Variants in VSTM2L observed in about 807,000 individuals in gnomAD.
The protein encoded by VSTM2L is V-set and transmembrane domain-containing protein 2-like protein.
Under a neutral mutation model 19.9 loss-of-function variants are expected in VSTM2L, and 9 were observed. The observed-to-expected ratio is 0.45, with a 90% CI of 0.27 to 0.79. The LOEUF is 0.79. Among genes scored for constraint, VSTM2L ranks in the 30% least tolerant of loss-of-function variants. VSTM2L has a pLI of 0.15. For missense variants in VSTM2L, 286 were observed against 295.5 expected (o/e 0.97, Z 0.24); for synonymous variants, 127 against 133.8 (o/e 0.95, Z 0.35).
intron 1 of VSTM2L, among the ~76,000 whole-genome samples, chr20:37,906,956 C>T (rs2072754748): frequency 6.6e-6 from 1 of 152,168 alleles, no homozygotes; most frequent in African/African-American, 2.4e-5. Context: ...GTGAAGATCT[C>T]TGTAGACCCC....
At chr20:37,941,812 T>G (rs556123141) in intron 3 of VSTM2L, among the ~76,000 whole-genome samples, 7 of 151,540 alleles carry the variant, frequency 4.6e-5, no homozygotes, top group African/African-American at 1.7e-4. Flanking sequence ...CAGGAAGGTT[T>G]TTTTTTTTTT....
At chr20:37,927,873 T>C (rs933856230) in intron 1 of VSTM2L, among the ~76,000 whole-genome samples, 8 of 152,164 alleles carry the variant, frequency 5.3e-5, no homozygotes, top group Non-Finnish European at 8.8e-5. Context: ...CCACACATGG[T>C]TCCCACCTCA....
intron 1 of VSTM2L, among the ~76,000 whole-genome samples, chr20:37,910,452 T>A (rs1226069897): frequency 6.6e-6 from 1 of 152,194 alleles, no homozygotes; most frequent in Non-Finnish European, 1.5e-5. Flanking sequence ...GGAAGCTTGG[T>A]CATTCATTCA....
chr20:37,908,436 C>T (rs1600559214), intron 1 of VSTM2L, among the ~76,000 whole-genome samples: 1 of 152,178 alleles, frequency 6.6e-6, no homozygotes, highest in Non-Finnish European at 1.5e-5. Context: ...AAGACAGAGA[C>T]CCAGGGGCAA....
At chr20:37,912,012 A>T (rs1157565475) in intron 1 of VSTM2L, among the ~76,000 whole-genome samples, 1 of 152,328 alleles carries the variant, frequency 6.6e-6, no homozygotes, top group Non-Finnish European at 1.5e-5. Flanking sequence ...ACCAAACAGC[A>T]GCCAGCGTTC....
At chr20:37,903,605 G>T in intron 1 of VSTM2L, 134 bp downstream of exon 1, 1 of 1,271,600 alleles carries the variant, frequency 7.9e-7, no homozygotes, top group Non-Finnish European at 1.0e-6. Flanking sequence ...CTGCCGGCGC[G>T]GTGGACCCGC....
chr20:37,928,701 G>A (rs1270486870), intron 1 of VSTM2L, among the ~76,000 whole-genome samples: 3 of 152,188 alleles, frequency 2.0e-5, no homozygotes, highest in Non-Finnish European at 4.4e-5. Flanking sequence ...GCTGCCGCAA[G>A]CCTTGAATGC....
chr20:37,937,930 C>T (rs1006559721), intron 3 of VSTM2L, among the ~76,000 whole-genome samples: 4 of 152,104 alleles, frequency 2.6e-5, no homozygotes, highest in Non-Finnish European at 5.9e-5. Context: ...TGGGTGTGTG[C>T]ACTGGAGGAA....
At chr20:37,910,929 A>G (rs1219355066) in intron 1 of VSTM2L, among the ~76,000 whole-genome samples, 2 of 151,080 alleles carry the variant, frequency 1.3e-5, no homozygotes, top group Non-Finnish European at 2.9e-5. Flanking sequence ...AAAAAAAAAA[A>G]AAAGAAAAAG....
intron 3 of VSTM2L, among the ~76,000 whole-genome samples, chr20:37,939,325 G>A (rs2072958475): frequency 1.3e-5 from 2 of 152,090 alleles, no homozygotes; most frequent in African/African-American, 4.8e-5. Context: ...TGCTGAAGCG[G>A]GAGGATTGCT....
chr20:37,941,441 G>C (rs1014116761), intron 3 of VSTM2L, among the ~76,000 whole-genome samples: 1 of 146,056 alleles, frequency 6.8e-6, no homozygotes, highest in Admixed American at 6.8e-5. Flanking sequence ...GGGTGTTGAC[G>C]AAAGAGCCCT....
In VSTM2L at chr20:37,921,364, C is replaced by A. The variant is rs1018332278; in HGVS notation, c.122-10271C>A. Among the ~76,000 whole-genome samples the A allele has an allele frequency of 2.6e-5, 4 of 152,142 alleles. No homozygotes were observed. The East Asian group carries it at 7.7e-4, about 29-fold the overall frequency. ...CCGAGCCTGGGAGCCTGATTTTGAC[C>A]CTGAGGGCTGGTAGTTTCCCAATGA... On this transcript the variant is annotated intron_variant, in intron 1 of 3. Transcript: ENST00000373461.
At chr20:37,919,006 T>C (rs1264580068) in intron 1 of VSTM2L, among the ~76,000 whole-genome samples, 1 of 152,198 alleles carries the variant, frequency 6.6e-6, no homozygotes, top group Non-Finnish European at 1.5e-5. Context: ...CCAGCCATTG[T>C]TCCTATAGCA....
intron 3 of VSTM2L, among the ~76,000 whole-genome samples, chr20:37,938,538 C>T (rs771715051): frequency 5.3e-5 from 8 of 152,232 alleles, no homozygotes; most frequent in South Asian, 4.1e-4. Context: ...GGCTGGAAGA[C>T]GATCCCAGCC....
intron 1 of VSTM2L, among the ~76,000 whole-genome samples, chr20:37,904,786 G>T (rs1285302969): frequency 6.6e-6 from 1 of 152,162 alleles, no homozygotes; most frequent in Non-Finnish European, 1.5e-5. Context: ...ACATGAGTGG[G>T]ATTGCTCCAG....
At chr20:37,933,411 A>G in intron 2 of VSTM2L, 128 bp from the exon 3 acceptor site, 1 of 746,128 alleles carries the variant, frequency 1.3e-6, no homozygotes. Context: ...CCCGAGCCTC[A>G]TCTGCTGTCG....
intron 1 of VSTM2L, among the ~76,000 whole-genome samples, chr20:37,917,521 CTTGCAT>C (rs2122950111): frequency 6.6e-6 from 1 of 152,318 alleles, no homozygotes; most frequent in East Asian, 1.9e-4. Context: ...AGGCTCTTCA[CTTGCAT>C]TTGCCCATTT....
intron 1 of VSTM2L, among the ~76,000 whole-genome samples, chr20:37,927,155 A>G (rs2072883357): frequency 6.6e-6 from 1 of 151,974 alleles, no homozygotes; most frequent in African/African-American, 2.4e-5. Flanking sequence ...AGTAGAGATG[A>G]GGTTTTGCCA....
At chr20:37,918,513 G>A (rs772145516) in intron 1 of VSTM2L, among the ~76,000 whole-genome samples, 24 of 152,184 alleles carry the variant, frequency 1.6e-4, no homozygotes, top group Non-Finnish European at 3.2e-4. Flanking sequence ...TTTTCATAGC[G>A]TTTATTTTTA....
Sources: allele counts gnomAD v4.1 joint callset (sites outside exome capture counted in the v4.1 genomes callset), GRCh38; gene constraint gnomAD v4.1.1; transcripts MANE v1.5; gene names NCBI Gene and HGNC (gene_info 2026-07-23, HGNC 2026-07-21).